The following CAMTA1 variants were observed in gnomAD, a reference collection of about 807,000 sequenced individuals.
CAMTA1 encodes the protein calmodulin binding transcription activator 1, also known as calmodulin-binding transcription activator 1.
In CAMTA1, 27 loss-of-function variants were observed where a neutral mutation model predicts 170.9. The ratio of observed to expected loss-of-function variants is 0.16; its 90% CI spans 0.12 to 0.22. The LOEUF (loss-of-function observed/expected upper bound fraction) is 0.22. Ranked by LOEUF, CAMTA1 falls within the 10% of genes least tolerant of loss-of-function variation. CAMTA1 has a pLI of 1.00. For missense variants in CAMTA1, 1,619 were observed against 2,217.2 expected (o/e 0.73, Z 5.42); for synonymous variants, 833 against 891.5 (o/e 0.93, Z 1.17).
chr1:7,249,202 C>G lies in CAMTA1; in HGVS notation c.303-289C>G, dbSNP rs1175121026. ...TTTGCCTACTTTTCAGTGCAGAGCTCAGGCCCCCACATCGTATATCCTGAT... is the reference window on the plus strand; with the variant it reads ...TTTGCCTACTTTTCAGTGCAGAGCTGAGGCCCCCACATCGTATATCCTGAT... On this transcript the variant is annotated intron_variant, in intron 4 of 22. Transcript: ENST00000303635. The surrounding 1 kb of genome is among the most constrained non-coding windows in gnomAD (Gnocchi z 4.4). 6.6e-6 allele frequency among the ~76,000 whole-genome samples: 1 copy of G among 152,118 alleles called. No homozygotes were observed. Among genetic ancestry groups the G allele is most frequent in the Non-Finnish European group, 1.5e-5 (1 of 68,012 alleles).
intron 12 of CAMTA1, among the ~76,000 whole-genome samples, chr1:7,734,697 AC>A (rs2096758461): frequency 6.6e-6 from 1 of 152,278 alleles, no homozygotes. Context: ...AGGTGTTTTT[AC>A]AGCTTTGATG....
rs1020307911 is a variant in CAMTA1 at position 7,435,030 on chromosome 1, T to C, written c.439-32800T>C. Reference sequence around the variant, plus strand: ...TCCCACCACTGCACTCCAGCCTGGGTGACAGCAAAACCCTGTCTCAAAACA... The same window carrying C: ...TCCCACCACTGCACTCCAGCCTGGGCGACAGCAAAACCCTGTCTCAAAACA... On this transcript the variant is annotated intron_variant, in intron 5 of 22. Transcript: ENST00000303635. This position sits in a 1 kb window ranked among gnomAD's most constrained non-coding sequence, Gnocchi z 4.4. Among the ~76,000 whole-genome samples, 1 of 151,874 alleles carries C rather than the reference T, an allele frequency of 6.6e-6. No individual in the cohort carries two copies. The highest frequency in any genetic ancestry group is 6.6e-5 in the Admixed American group (1 of 15,232).
At chr1:7,466,157 T>C (rs1360633023) in intron 5 of CAMTA1, among the ~76,000 whole-genome samples, 1 of 152,128 alleles carries the variant, frequency 6.6e-6, no homozygotes, top group African/African-American at 2.4e-5. Context: ...TAGACAAAAA[T>C]GTCTAGACAT....
Position 7,588,986 on chromosome 1 carries a change from C to T in CAMTA1, c.511-51414C>T, listed in dbSNP as rs1016500736. ...GAAAACCAAGCAATTTACCTTCAAT[C>T]GCTTCTCAGAATTTTGCGCAGCCAG... On this transcript the variant is annotated intron_variant, in intron 6 of 22. Transcript: ENST00000303635. The surrounding 1 kb of genome is among the most constrained non-coding windows in gnomAD (Gnocchi z 5.8). Among the ~76,000 whole-genome samples the T allele has an allele frequency of 1.3e-5, 2 of 152,232 alleles. No individual in the cohort carries two copies. The highest frequency in any genetic ancestry group is 4.8e-5 in the African/African-American group (2 of 41,464).
Position 7,588,245 on chromosome 1 carries a change from C to T in CAMTA1, c.511-52155C>T, listed in dbSNP as rs112576261. Among the ~76,000 whole-genome samples, 866 of 152,214 alleles carry T rather than the reference C, an allele frequency of 5.7e-3. 15 individuals carry two copies. Among genetic ancestry groups the T allele is most frequent in the African/African-American group, 0.02 (838 of 41,456 alleles). On this transcript the variant is annotated intron_variant, in intron 6 of 22. Transcript: ENST00000303635. This position sits in a 1 kb window ranked among gnomAD's most constrained non-coding sequence, Gnocchi z 5.8. ...CAAGCTCCTGTGGCCAGACAACCCC[C>T]GCCCCAGTTCTCACTGCCTCTGACA...
intron 11 of CAMTA1, among the ~76,000 whole-genome samples, chr1:7,695,915 CT>C (rs1279618469): frequency 1.3e-5 from 2 of 152,172 alleles, no homozygotes; most frequent in African/African-American, 4.8e-5. Flanking sequence ...AGAATTGGGC[CT>C]TCCTTTGTGA....
At chr1:7,053,788 C>T (rs543550804) in intron 3 of CAMTA1, among the ~76,000 whole-genome samples, 1 of 152,314 alleles carries the variant, frequency 6.6e-6, no homozygotes, top group East Asian at 1.9e-4. Flanking sequence ...GTGTCCCCAG[C>T]GCCCATAGCA....
intron 5 of CAMTA1, among the ~76,000 whole-genome samples, chr1:7,363,598 G>A (rs1010137700): frequency 2.6e-5 from 4 of 152,100 alleles, no homozygotes; most frequent in East Asian, 3.9e-4. Context: ...GGGTGACATC[G>A]GAACGATTGG....
intron 3 of CAMTA1, among the ~76,000 whole-genome samples, chr1:6,863,462 C>T (rs976289023): frequency 7.9e-5 from 12 of 152,130 alleles, no homozygotes; most frequent in African/African-American, 2.9e-4. Context: ...TGCTGAGCCC[C>T]ACTCCAGAGC....
At chr1:6,808,959 G>A (rs145493224) in intron 1 of CAMTA1, among the ~76,000 whole-genome samples, 1 of 152,138 alleles carries the variant, frequency 6.6e-6, no homozygotes, top group East Asian at 1.9e-4. Flanking sequence ...ACTGAGATAG[G>A]GAAGACAAGG....
intron 3 of CAMTA1, among the ~76,000 whole-genome samples, chr1:6,924,733 G>T (rs1358024673): frequency 6.6e-6 from 1 of 152,224 alleles, no homozygotes; most frequent in Non-Finnish European, 1.5e-5. Flanking sequence ...AAAAATGCGA[G>T]CTAAGTTTTT....
intron 3 of CAMTA1, among the ~76,000 whole-genome samples, chr1:6,997,467 A>G (rs1278732676): frequency 3.3e-5 from 5 of 151,790 alleles, no homozygotes; most frequent in Admixed American, 3.3e-4. Flanking sequence ...GTCTCTCCCT[A>G]TCTTACCTGT....
chr1:7,103,197 G>C (rs149636827), intron 4 of CAMTA1, among the ~76,000 whole-genome samples: 4,370 of 152,090 alleles, frequency 0.029, 90 homozygotes, highest in South Asian at 0.086. Context: ...CCCTTGCCTG[G>C]TTGCCCTAGG....
At position 7,511,297 on chromosome 1, in the gene CAMTA1, C is replaced by T. The variant is rs1039638632; in HGVS notation, c.510+43396C>T. ...ATCCTGGAGGGACACCCTAGTAGCT[C>T]CGTGACCTTGAGTGTCCACTTTCTT... On this transcript the variant is annotated intron_variant, in intron 6 of 22. Transcript: ENST00000303635. Among the ~76,000 whole-genome samples the T allele has an allele frequency of 3.5e-4, 51 of 145,524 alleles. 8 individuals carry two copies. The highest frequency in any genetic ancestry group is 7.7e-5 in the Non-Finnish European group (5 of 64,962).
intron 6 of CAMTA1, among the ~76,000 whole-genome samples, chr1:7,614,867 CT>C (rs2095548750): frequency 2.0e-5 from 3 of 152,170 alleles, no homozygotes; most frequent in Non-Finnish European, 4.4e-5. Flanking sequence ...TCCACTTAAC[CT>C]CCATCAGGGC....
intron 1 of CAMTA1, among the ~76,000 whole-genome samples, chr1:6,799,845 CTG>C (rs1643468802): frequency 6.6e-6 from 1 of 152,094 alleles, no homozygotes; most frequent in Admixed American, 6.5e-5. Context: ...CCGCTTGTAA[CTG>C]AAACCATGGA....
chr1:7,578,349 A>G (rs1358581077), intron 6 of CAMTA1, among the ~76,000 whole-genome samples: 1 of 152,176 alleles, frequency 6.6e-6, no homozygotes, highest in Non-Finnish European at 1.5e-5. Flanking sequence ...TGGGTCCTCC[A>G]GGGAGCCGGG....
In CAMTA1 at chr1:7,635,334, G is replaced by A. The variant is rs930667800; in HGVS notation, c.511-5066G>A. On this transcript the variant is annotated intron_variant, in intron 6 of 22. Coordinates refer to ENST00000303635, the MANE Select transcript of CAMTA1 (RefSeq NM_015215.4). The surrounding 1 kb of genome is among the most constrained non-coding windows in gnomAD (Gnocchi z 4.4). ...CCAGAATCAAGGATCCGGGCCGGGC[G>A]TGGTGGCTCACGCCTGTAATCCCAG... Among the ~76,000 whole-genome samples the A allele has an allele frequency of 5.3e-5, 8 of 152,178 alleles. No homozygotes were observed. In the South Asian group the frequency reaches 1.0e-3, roughly 20 times the overall value.
At chr1:7,016,226 G>C (rs1700515741) in intron 3 of CAMTA1, among the ~76,000 whole-genome samples, 1 of 152,214 alleles carries the variant, frequency 6.6e-6, no homozygotes, top group African/African-American at 2.4e-5. Context: ...AGAGCCGTCT[G>C]AGTTGGTGTA....
Sources: allele counts gnomAD v4.1 joint callset (sites outside exome capture counted in the v4.1 genomes callset), GRCh38; gene constraint gnomAD v4.1.1; non-coding constraint Gnocchi (gnomAD v3.1); transcripts MANE v1.5; gene names NCBI Gene and HGNC (gene_info 2026-07-23, HGNC 2026-07-21).